CYP4F2: variants seen among roughly 807,000 people sequenced by gnomAD.
The protein encoded by CYP4F2 is cytochrome P450 family 4 subfamily F member 2.
In CYP4F2, 58 loss-of-function variants were observed where a neutral mutation model predicts 58.9. The observed-to-expected ratio is 0.98, with a 90% CI of 0.80 to 1.23. The LOEUF is 1.23. Among genes scored for constraint, CYP4F2 ranks in the 50% most tolerant of loss-of-function variants. The probability of loss-of-function intolerance (pLI) is 0.00; values close to 1 mark genes in which losing one functional copy is unlikely to be tolerated. For missense variants in CYP4F2, 616 were observed against 685.6 expected (o/e 0.90, Z 1.13); for synonymous variants, 287 against 261.1 (o/e 1.10, Z -0.95).
intron 6 of CYP4F2, 44 bp downstream of exon 6, chr19:15,890,268 T>C: frequency 6.2e-7 from 1 of 1,612,806 alleles, no homozygotes; most frequent in Non-Finnish European, 8.5e-7. Flanking sequence ...CCTACCCACT[T>C]TGGGTCCACA....
Position 15,879,789 on chromosome 19 carries a change from G to A in CYP4F2, c.1224C>T (p.Leu408=). 1 of 1,614,152 alleles carries A rather than the reference G, an allele frequency of 6.2e-7. No homozygotes were observed. Residue 408 remains leucine, a synonymous_variant, in exon 10 of 13, where the codon CTC becomes CTT. Transcript: ENST00000221700. ...CTTTGGGGATGACCCGGCCGTCTGG[G>A]AGCACAATGTCCTGGGTGACATGGC... ...ISRHVTQDIV[L]PDGRVIPKGI... is the part of the protein sequence containing the mutation.
At chr19:15,881,105 G>T (rs774964060) in intron 9 of CYP4F2, among the ~76,000 whole-genome samples, 59 of 152,264 alleles carry the variant, frequency 3.9e-4, no homozygotes, top group Non-Finnish European at 7.6e-4. Context: ...ACAGCCACAC[G>T]ATGGAATACT....
Position 15,878,507 on chromosome 19 carries a change from G to T in CYP4F2, c.*264C>A, listed in dbSNP as rs984380923. The T allele has an allele frequency of 3.4e-6, 2 of 583,440 alleles. No individual in the cohort carries two copies. Among genetic ancestry groups the T allele is most frequent in the East Asian group, 3.2e-5 (1 of 31,322 alleles). The allele number at this position is 583,440 out of a possible 1,614,324, so 36.1% of individuals were successfully genotyped here. A position where few individuals can be genotyped will look rare whatever the true frequency, so the allele number is the denominator to read the frequency against. On this transcript the variant is annotated 3_prime_UTR_variant, in exon 13 of 13. Transcript: ENST00000221700. ...TTTTATGGCTGTGTAATACTCCATT[G>T]TATGGATGGACCACATTTTGTTTAT... is the stretch of plus-strand genomic sequence containing the variant.
At chr19:15,891,205 C>T (rs2089414349) in intron 5 of CYP4F2, among the ~76,000 whole-genome samples, 1 of 152,086 alleles carries the variant, frequency 6.6e-6, no homozygotes. Context: ...CTTTTGCTTT[C>T]TATAAAAGCA....
Position 15,897,582 on chromosome 19 carries a change from G to T in CYP4F2, c.30C>A (p.Gly10=). 6.2e-7 allele frequency: 1 copy of T among 1,613,814 alleles called. No individual in the cohort carries two copies. Among genetic ancestry groups the T allele is most frequent in the South Asian group, 1.1e-5 (1 of 91,072 alleles). Residue 10 remains glycine (G), a synonymous_variant, in exon 2 of 13, where the codon GGC becomes GGA. Transcript: ENST00000221700. MSQLSLSWL[G]LWPVAASPWL... ...AAGGGGATGCTGCCACTGGCCAGAGGCCCAGCCAGGACAGGCTCAGCTGGG... is the reference window on the plus strand; with the variant it reads ...AAGGGGATGCTGCCACTGGCCAGAGTCCCAGCCAGGACAGGCTCAGCTGGG...
chr19:15,887,925 T>C (rs1467799398), intron 7 of CYP4F2, among the ~76,000 whole-genome samples: 4 of 144,212 alleles, frequency 2.8e-5, no homozygotes, highest in African/African-American at 5.2e-5. Flanking sequence ...AACCTAGACA[T>C]AGACACAGAT....
chr19:15,886,967 G>C (rs1007710038), intron 7 of CYP4F2, among the ~76,000 whole-genome samples: 2 of 152,232 alleles, frequency 1.3e-5, no homozygotes, highest in Non-Finnish European at 2.9e-5. Flanking sequence ...AATTTGACTT[G>C]AGGATGAAGA....
At chr19:15,890,579 G>A (rs3093219) in intron 5 of CYP4F2, 146 bp from the exon 6 acceptor site, 9 of 1,285,392 alleles carry the variant, frequency 7.0e-6, no homozygotes, top group African/African-American at 1.5e-5. Context: ...AGGTTATGGT[G>A]CAAACAAAAG....
intron 5 of CYP4F2, among the ~76,000 whole-genome samples, 200 bp from the exon 6 acceptor site, chr19:15,890,633 G>C (rs1161573658): frequency 6.6e-6 from 1 of 152,208 alleles, no homozygotes; most frequent in Non-Finnish European, 1.5e-5. Context: ...GGAGTTAGGA[G>C]AACTAGGTTC....
chr19:15,895,277 G>A (rs1164088167), intron 3 of CYP4F2, among the ~76,000 whole-genome samples: 1 of 152,178 alleles, frequency 6.6e-6, no homozygotes, highest in Non-Finnish European at 1.5e-5. Flanking sequence ...GCCTTGGGTT[G>A]AGGTCTCTTA....
chr19:15,890,277 C>T (rs769046302), intron 6 of CYP4F2, 35 bp downstream of exon 6: 19 of 1,613,380 alleles, frequency 1.2e-5, no homozygotes, highest in African/African-American at 2.7e-5. Context: ...TTTGGGTCCA[C>T]AGCCCAAGAT....
At chr19:15,891,915 C>T (rs986365914) in intron 5 of CYP4F2, among the ~76,000 whole-genome samples, 33 of 152,190 alleles carry the variant, frequency 2.2e-4, no homozygotes, top group Admixed American at 2.2e-3. Flanking sequence ...CTTCCATATA[C>T]AGAAGAACCT....
intron 9 of CYP4F2, among the ~76,000 whole-genome samples, chr19:15,885,636 G>A (rs774240978): frequency 1.2e-4 from 17 of 146,926 alleles, no homozygotes; most frequent in Middle Eastern, 3.4e-3. Flanking sequence ...GGGAGGAAAG[G>A]AAGAGAGTGG....
Position 15,897,422 on chromosome 19 carries a change from G to A in CYP4F2, c.190C>T (p.Gln64Ter), listed in dbSNP as rs766753855. The A allele has an allele frequency of 1.9e-5, 31 of 1,612,732 alleles. No individual in the cohort carries two copies. The South Asian group carries it at 3.1e-4, about 16-fold the overall frequency. ...CCTGCTGCCACACTCACCATGCCCT[G>A]GTGTCCCCAAAACCAGTTCCGTCTT... Reference protein sequence around the residue: ...PPRRNWFWGHQGMVNPTEEGM... With the variant: ...PPRRNWFWGH Residue 64 changes from glutamine to a stop codon, truncating the protein, a stop_gained, in exon 2 of 13, where the codon CAG becomes TAG. Transcript: ENST00000221700. LOFTEE classifies it high-confidence loss of function.
At chr19:15,897,339 C>T (rs2089453518) in intron 2 of CYP4F2, 75 bp downstream of exon 2, 1 of 1,392,480 alleles carries the variant, frequency 7.2e-7, no homozygotes, top group Non-Finnish European at 1.0e-6. Flanking sequence ...CCCTTCACCC[C>T]CACTCCCTAA....
At chr19:15,897,253 C>T (rs990060299) in intron 2 of CYP4F2, among the ~76,000 whole-genome samples, 161 bp downstream of exon 2, 1 of 152,114 alleles carries the variant, frequency 6.6e-6, no homozygotes, top group Non-Finnish European at 1.5e-5. Flanking sequence ...TGCGTAGGCA[C>T]CTCACAGAAA....
At chr19:15,897,671 C>T (rs2089456825) in intron 1 of CYP4F2, 59 bp from the exon 2 acceptor site, 2 of 1,592,806 alleles carry the variant, frequency 1.3e-6, no homozygotes, top group South Asian at 2.2e-5. Context: ...GCCCAGGGAC[C>T]TCCAGGGACA....
At chr19:15,897,338 C>CCCCCAA in intron 2 of CYP4F2, 76 bp downstream of exon 2, 1 of 1,383,884 alleles carries the variant, frequency 7.2e-7, no homozygotes, top group Non-Finnish European at 1.0e-6. Flanking sequence ...CCCCTTCACC[C>CCCCCAA]CCACTCCCTA....
At chr19:15,883,891 C>A (rs1430402841) in intron 9 of CYP4F2, among the ~76,000 whole-genome samples, 1 of 151,948 alleles carries the variant, frequency 6.6e-6, no homozygotes, top group Non-Finnish European at 1.5e-5. Flanking sequence ...AAACCCCAGC[C>A]CTATTAAAAA....
Sources: allele counts gnomAD v4.1 joint callset (sites outside exome capture counted in the v4.1 genomes callset), GRCh38; gene constraint gnomAD v4.1.1; transcripts MANE v1.5; gene names NCBI Gene and HGNC (gene_info 2026-07-23, HGNC 2026-07-21).